MRPS28: variants seen among roughly 807,000 people sequenced by gnomAD.
MRPS28 encodes the protein mitochondrial ribosomal protein S28, also known as small ribosomal subunit protein bS1m.
MRPS28 carries 7 observed loss-of-function variants against 10.8 expected under a neutral mutation model. The observed-to-expected ratio is 0.65, with a 90% CI of 0.37 to 1.22. The LOEUF is 1.22. Among genes scored for constraint, MRPS28 ranks in the 50% most tolerant of loss-of-function variants. The probability of loss-of-function intolerance (pLI) is 0.02; values close to 1 mark genes in which losing one functional copy is unlikely to be tolerated. For synonymous variants in MRPS28, 121 were observed against 93.3 expected (o/e 1.30, Z -1.71); for missense variants, 265 against 232.9 (o/e 1.14, Z -0.90).
chr8:80,004,787 T>C (rs1563539992), intron 1 of MRPS28, among the ~76,000 whole-genome samples: 1 of 152,164 alleles, frequency 6.6e-6, no homozygotes, highest in African/African-American at 2.4e-5. Flanking sequence ...AGAGAAGTCC[T>C]TAAATGACCT....
intron 2 of MRPS28, among the ~76,000 whole-genome samples, chr8:79,994,670 C>T (rs1415114124): frequency 6.6e-6 from 1 of 152,152 alleles, no homozygotes; most frequent in Non-Finnish European, 1.5e-5. Flanking sequence ...CCGAAATATG[C>T]TCCACACCTC....
intron 2 of MRPS28, among the ~76,000 whole-genome samples, chr8:79,985,635 A>C (rs1258008745): frequency 6.6e-6 from 1 of 152,232 alleles, no homozygotes; most frequent in African/African-American, 2.4e-5. Context: ...ACATCAGAGA[A>C]TACTATAAAC....
chr8:79,919,366 A>T (rs1444048917), intron 2 of MRPS28, among the ~76,000 whole-genome samples: 1 of 145,756 alleles, frequency 6.9e-6, no homozygotes, highest in Non-Finnish European at 1.5e-5. Flanking sequence ...AAAAAAAAAG[A>T]GTTTCACTCT....
rs563234864 is a variant in MRPS28, at chr8:79,987,611, G to A, written c.395+15388C>T. Among the ~76,000 whole-genome samples, 30 of 152,224 alleles carry A rather than the reference G, an allele frequency of 2.0e-4. No homozygotes were observed. The East Asian group carries it at 5.6e-3, about 28-fold the overall frequency. On this transcript the variant is annotated intron_variant, in intron 2 of 2. Transcript: ENST00000276585. ...ATCAAACAACCCCATCAAAAAGTGG[G>A]CAAAGGACATGAACAGACACTTCTC...
chr8:80,003,466 A>G (rs573249287), intron 1 of MRPS28, among the ~76,000 whole-genome samples: 1 of 152,294 alleles, frequency 6.6e-6, no homozygotes, highest in African/African-American at 2.4e-5. Flanking sequence ...GGGAGTTCTA[A>G]GCCTGACCAA....
chr8:79,951,197 G>A (rs951039092), intron 2 of MRPS28, among the ~76,000 whole-genome samples: 3 of 152,162 alleles, frequency 2.0e-5, no homozygotes, highest in Non-Finnish European at 4.4e-5. Context: ...GAAGTAGGAC[G>A]GGACAATGGC....
intron 2 of MRPS28, among the ~76,000 whole-genome samples, chr8:79,999,141 A>G (rs1808588097): frequency 6.6e-6 from 1 of 152,218 alleles, no homozygotes; most frequent in Non-Finnish European, 1.5e-5. Flanking sequence ...AATGTACCAA[A>G]GCAGGAAGCT....
chr8:79,948,964 T>C (rs942087981), intron 2 of MRPS28, among the ~76,000 whole-genome samples: 8 of 152,218 alleles, frequency 5.3e-5, no homozygotes, highest in Non-Finnish European at 2.9e-5. Flanking sequence ...TGATATTTAC[T>C]TTCTGCTATC....
chr8:79,986,808 C>T (rs1808195051), intron 2 of MRPS28, among the ~76,000 whole-genome samples: 1 of 152,076 alleles, frequency 6.6e-6, no homozygotes, highest in Non-Finnish European at 1.5e-5. Context: ...ATTCCATGCT[C>T]ATGGGTAGGA....
At chr8:79,920,230 G>A (rs372111610) in intron 2 of MRPS28, among the ~76,000 whole-genome samples, 111 of 152,144 alleles carry the variant, frequency 7.3e-4, no homozygotes, top group African/African-American at 1.9e-3. Flanking sequence ...TTGCTATTGC[G>A]AATGGTACCG....
At chr8:80,026,146 C>T (rs1401936901) in intron 1 of MRPS28, among the ~76,000 whole-genome samples, 1 of 152,116 alleles carries the variant, frequency 6.6e-6, no homozygotes, top group Non-Finnish European at 1.5e-5. Context: ...ACACAATTGG[C>T]GTTTATTCAT....
intron 2 of MRPS28, among the ~76,000 whole-genome samples, chr8:79,966,494 CTT>C (rs1331491962): frequency 6.6e-6 from 1 of 151,948 alleles, no homozygotes; most frequent in Non-Finnish European, 1.5e-5. Context: ...ACTGGAGTCA[CTT>C]TCTCTGCTCT....
chr8:80,023,604 A>G (rs1809427734), intron 1 of MRPS28, among the ~76,000 whole-genome samples: 1 of 152,348 alleles, frequency 6.6e-6, no homozygotes, highest in Middle Eastern at 3.4e-3. Context: ...AATAAGGTAA[A>G]ACTATAAACT....
intron 2 of MRPS28, among the ~76,000 whole-genome samples, chr8:79,934,610 T>A (rs534611118): frequency 6.6e-6 from 1 of 152,332 alleles, no homozygotes; most frequent in South Asian, 2.1e-4. Flanking sequence ...CAGATAATAC[T>A]GGCAAGCCAA....
At chr8:79,990,410 C>T (rs1808328069) in intron 2 of MRPS28, among the ~76,000 whole-genome samples, 1 of 152,078 alleles carries the variant, frequency 6.6e-6, no homozygotes, top group Admixed American at 6.5e-5. Context: ...TTACAACAGT[C>T]TCAGAACTGG....
At position 80,023,499 on chromosome 8, in the gene MRPS28, G is replaced by A. The variant is rs191957069; in HGVS notation, c.213+6537C>T. Among the ~76,000 whole-genome samples the A allele has an allele frequency of 3.4e-4, 51 of 151,480 alleles. No individual in the cohort carries two copies. In the East Asian group the frequency reaches 8.9e-3, roughly 27 times the overall value. On this transcript the variant is annotated intron_variant, in intron 1 of 2. Transcript: ENST00000276585. ...AGATATTCTGTCTTCTGGAATATTC[G>A]AATATTTTGAAATAAAAAATACTAA...
Position 80,018,989 on chromosome 8 carries a change from G to A in MRPS28, c.213+11047C>T, listed in dbSNP as rs892821996. Among the ~76,000 whole-genome samples the A allele has an allele frequency of 4.6e-5, 7 of 152,006 alleles. No homozygotes were observed. In the East Asian group the frequency reaches 5.8e-4, roughly 13 times the overall value. On this transcript the variant is annotated intron_variant, in intron 1 of 2. Coordinates refer to ENST00000276585, the MANE Select transcript of MRPS28 (RefSeq NM_014018.3). Reference sequence around the variant, plus strand: ...AGAGTAGAAGGATGGTTACCCAGACGCTGGGAAGGGTATTGGGGGTTTGTA... The same window carrying A: ...AGAGTAGAAGGATGGTTACCCAGACACTGGGAAGGGTATTGGGGGTTTGTA...
intron 1 of MRPS28, among the ~76,000 whole-genome samples, chr8:80,010,141 T>G (rs1436970478): frequency 6.6e-6 from 1 of 152,212 alleles, no homozygotes; most frequent in Non-Finnish European, 1.5e-5. Flanking sequence ...TACAAAAATT[T>G]TTTCCAAACA....
chr8:80,022,306 G>A (rs192886184), intron 1 of MRPS28, among the ~76,000 whole-genome samples: 6 of 151,930 alleles, frequency 3.9e-5, no homozygotes, highest in South Asian at 2.1e-4. Flanking sequence ...AGTATTCCAC[G>A]GTAAGGATGT....
Sources: gnomAD v4.1 joint callset for allele counts (sites outside exome capture counted in the v4.1 genomes callset) on GRCh38, gnomAD v4.1.1 for gene constraint, MANE v1.5 for transcripts, NCBI Gene and HGNC (gene_info 2026-07-23, HGNC 2026-07-21) for gene names.